Variants in NOL8 observed in about 807,000 individuals in gnomAD.
NOL8 encodes nucleolar protein 8.
NOL8 carries 93 observed loss-of-function variants against 116.1 expected under a neutral mutation model. That is an observed-to-expected ratio of 0.80 (90% CI 0.68 to 0.95). The LOEUF (loss-of-function observed/expected upper bound fraction) is 0.95, where lower values mean the gene tolerates loss of function less well. NOL8 is among the 40% of genes least tolerant of loss of function. The pLI is 0.00. For missense variants in NOL8, 1,291 were observed against 1,382.8 expected (o/e 0.93, Z 1.05); for synonymous variants, 419 against 469.0 (o/e 0.89, Z 1.38).
intron 11 of NOL8, 107 bp downstream of exon 11, chr9:92,306,779 C>T: frequency 9.9e-7 from 1 of 1,011,748 alleles, no homozygotes; most frequent in Non-Finnish European, 1.5e-6. Context: ...TACATATTGC[C>T]AGCTGCCTCC....
At chr9:92,312,497 T>C (rs998044384) in intron 7 of NOL8, among the ~76,000 whole-genome samples, 7 of 142,940 alleles carry the variant, frequency 4.9e-5, no homozygotes, top group African/African-American at 1.6e-4. Context: ...GGGGTCTACT[T>C]GAGGGTGGAG....
rs534527429 is a variant in NOL8, at chr9:92,321,543, C to G, written c.281+125G>C. On this transcript the variant is annotated intron_variant, in intron 4 of 16. Coordinates refer to ENST00000442668, the MANE Select transcript of NOL8 (RefSeq NM_017948.6). ...GATTCAGAGTTGAAAGGGATTTCAGCTCTACTTATATGTTTGAATTTGTTA... is the reference window on the plus strand; with the variant it reads ...GATTCAGAGTTGAAAGGGATTTCAGGTCTACTTATATGTTTGAATTTGTTA... 180 of 586,368 alleles carry G rather than the reference C, an allele frequency of 3.1e-4. 3 individuals carry two copies. In the East Asian group the frequency reaches 5.7e-3, roughly 18 times the overall value. 36.3% of individuals were successfully genotyped at this position (586,368 alleles called of 1,614,324 possible).
chr9:92,315,688 C>CA lies in NOL8; in HGVS notation c.936dup (p.Ala313CysfsTer16). On this transcript the variant is annotated frameshift_variant, in exon 7 of 17. Transcript: ENST00000442668. LOFTEE classifies it high-confidence loss of function. ...GTTCTCTGTAAGTTTTCCTCTTTCG[C>CA]AATCATCATTCTCAATTCATCTTCA... is the stretch of plus-strand genomic sequence containing the variant. 6.2e-7 allele frequency: 1 copy of CA among 1,612,096 alleles called. No individual in the cohort carries two copies. The highest frequency in any genetic ancestry group is 8.5e-7 in the Non-Finnish European group (1 of 1,178,984).
rs374302480 is a variant in NOL8 at position 92,311,232 on chromosome 9, G to A, written c.2386C>T (p.His796Tyr). 36 of 1,613,688 alleles carry A rather than the reference G, an allele frequency of 2.2e-5. No individual in the cohort carries two copies. Among genetic ancestry groups the A allele is most frequent in the Middle Eastern group, 1.6e-4 (1 of 6,084 alleles). ...LDGHPEDKPT[H>Y]IIFGSDSECE... is the part of the protein sequence containing the mutation. ...TCACTGTCAGAACCGAAGATGATGT[G>A]CGTTGGCTTATCCTCTGGATGACCA... Residue 796 changes from histidine (H) to tyrosine (Y), a missense_variant, in exon 8 of 17, where the codon CAC becomes TAC. Transcript: ENST00000442668.
Position 92,324,209 on chromosome 9 carries a change from T to C in NOL8, c.-48A>G. The C allele has an allele frequency of 6.3e-7, 1 of 1,585,210 alleles. No individual in the cohort carries two copies. Among genetic ancestry groups the C allele is most frequent in the African/African-American group, 1.4e-5 (1 of 73,886 alleles). ...TGTGTTTCAGTGGGAAAAGTAATTT[T>C]CTGTATACAGAGAAGAGTTCTTTCC... On this transcript the variant is annotated splice_region_variant and 5_prime_UTR_variant, in exon 2 of 17. Transcript: ENST00000442668.
At chr9:92,323,288 C>A in intron 3 of NOL8, 153 bp downstream of exon 3, 1 of 1,531,998 alleles carries the variant, frequency 6.5e-7, no homozygotes, top group Non-Finnish European at 8.7e-7. Context: ...CCTAAACCTG[C>A]TGAGTTATAC....
intron 4 of NOL8, among the ~76,000 whole-genome samples, chr9:92,320,590 A>G (rs1839838051): frequency 6.6e-6 from 1 of 150,852 alleles, no homozygotes; most frequent in African/African-American, 2.4e-5. Context: ...TTCTACCTGT[A>G]TATTCTTTTT....
chr9:92,299,967 T>A lies in NOL8; in HGVS notation c.3225A>T (p.Glu1075Asp). Residue 1075 changes from glutamate (E) to aspartate (D), a missense_variant, in exon 14 of 17, where the codon GAA becomes GAT. Physicochemically the swap from Glu to Asp is conservative, Grantham distance 45 (BLOSUM62 2). Coordinates refer to ENST00000442668, the MANE Select transcript of NOL8 (RefSeq NM_017948.6). ...TVKPGKIVWQ[E>D]DPRLQDSSSE... ...AACTGCTGTCTTGTAAACGAGGGTCTTCCTGCCAGACAATCTTTCCAGGTT... is the reference window on the plus strand; with the variant it reads ...AACTGCTGTCTTGTAAACGAGGGTCATCCTGCCAGACAATCTTTCCAGGTT... 1 of 1,613,706 alleles carries A rather than the reference T, an allele frequency of 6.2e-7. No individual in the cohort carries two copies. Among genetic ancestry groups the A allele is most frequent in the Non-Finnish European group, 8.5e-7 (1 of 1,179,684 alleles).
rs771618077 is a variant in NOL8 at position 92,315,649 on chromosome 9, T to C, written c.976A>G (p.Ile326Val). The change falls in exon 7 of 17, where the codon ATA (isoleucine) becomes GTA (valine). Residue 326 changes from isoleucine (I) to valine (V), a missense_variant. By Grantham distance (29) the Ile-to-Val change is conservative. Transcript: ENST00000442668. ...ENLQRTTQPS[I>V]NESESDPFEV... ...AAAGGATCACTTTCAGATTCATTTA[T>C]TGAGGGTTGTGTAGTTCTCTGTAAG... 31 of 1,613,178 alleles carry C rather than the reference T, an allele frequency of 1.9e-5. No homozygotes were observed. Among genetic ancestry groups the C allele is most frequent in the Non-Finnish European group, 2.5e-5 (30 of 1,179,494 alleles).
At position 92,321,670 on chromosome 9, in the gene NOL8, G is replaced by T; in HGVS notation, c.279C>A (p.His93Gln). ...AATCCATGTGGAGCAAAACTTACCT[G>T]TGCAGAAAGCTTTCTTTTGCTAGTT... ...QIQLAKESFL[H>Q]RLAQEREAAK... Residue 93 changes from histidine (H) to glutamine (Q), a missense_variant and splice_region_variant, in exon 4 of 17, where the codon CAC becomes CAA. Transcript: ENST00000442668. 1 of 1,526,840 alleles carries T rather than the reference G, an allele frequency of 6.5e-7. No individual in the cohort carries two copies. The highest frequency in any genetic ancestry group is 8.8e-7 in the Non-Finnish European group (1 of 1,138,354). 94.6% of individuals were successfully genotyped at this position (1,526,840 alleles called of 1,614,324 possible). A position where few individuals can be genotyped will look rare whatever the true frequency, so the allele number is the denominator to read the frequency against.
intron 1 of NOL8, 131 bp from the exon 2 acceptor site, chr9:92,324,340 T>G (rs1242017290): frequency 9.1e-6 from 7 of 765,612 alleles, no homozygotes; most frequent in Admixed American, 3.0e-5. Context: ...ACTTCCAAAT[T>G]TTAGTCTTCG....
intron 6 of NOL8, among the ~76,000 whole-genome samples, chr9:92,317,989 T>G (rs1242493860): frequency 7.3e-6 from 1 of 137,312 alleles, no homozygotes; most frequent in Non-Finnish European, 1.5e-5. Flanking sequence ...GAGCCAAGAT[T>G]GTGCCACTGC....
At chr9:92,298,459 A>G (rs1837437690) in intron 15 of NOL8, 123 bp from the exon 16 acceptor site, 3 of 589,182 alleles carry the variant, frequency 5.1e-6, no homozygotes, top group African/African-American at 1.9e-5. Context: ...CTCAGTTTCT[A>G]CCTATTTTCA....
At chr9:92,323,979 A>C (rs1275199586) in intron 2 of NOL8, 44 bp downstream of exon 2, 2 of 1,599,642 alleles carry the variant, frequency 1.3e-6, no homozygotes, top group African/African-American at 2.7e-5. Flanking sequence ...ACTTAACCTG[A>C]GTTATGTCTG....
intron 2 of NOL8, 93 bp downstream of exon 2, chr9:92,323,929 CA>C (rs1195496344): frequency 1.5e-6 from 2 of 1,369,042 alleles, no homozygotes; most frequent in Admixed American, 2.2e-5. Flanking sequence ...TTTTGGTGTT[CA>C]GAGCTAACAT....
In NOL8 at chr9:92,316,009, G is replaced by A. The variant is rs559841920; in HGVS notation, c.616C>T (p.Arg206Trp). 94 of 1,613,854 alleles carry A rather than the reference G, an allele frequency of 5.8e-5. No individual in the cohort carries two copies. The highest frequency in any genetic ancestry group is 7.1e-5 in the Non-Finnish European group (84 of 1,179,870). The change falls in exon 7 of 17, where the codon CGG becomes TGG. Residue 206 changes from arginine to tryptophan, a missense_variant. Arg to Trp is a moderately radical substitution (Grantham distance 101, BLOSUM62 -3). Coordinates refer to ENST00000442668, the MANE Select transcript of NOL8 (RefSeq NM_017948.6). ...EGGNDPMSKK[R>W]RGEFSDFHGP... ...TGAAAGTCAGAGAACTCTCCTCGCC[G>A]TTTCTTACTCATAGGGTCATTCCCT...
chr9:92,318,701 AAG>A lies in NOL8; in HGVS notation c.418-17_418-16del. The stretch of plus-strand genomic sequence containing the variant: ...ACAACCCAATTCTAAAAGAAAAAAA[AAG>A]AATTTATTTACTATATGTGACACAA... On this transcript the variant is annotated splice_polypyrimidine_tract_variant and intron_variant, in intron 5 of 16. Transcript: ENST00000442668. 6.5e-7 allele frequency: 1 copy of A among 1,536,060 alleles called. No individual in the cohort carries two copies.
In NOL8 at chr9:92,299,541, A is replaced by C. The variant is rs908996450; in HGVS notation, c.3302+349T>G. Among the ~76,000 whole-genome samples the C allele has an allele frequency of 4.6e-5, 7 of 152,178 alleles. No individual in the cohort carries two copies. In the East Asian group the frequency reaches 9.6e-4, roughly 21 times the overall value. On this transcript the variant is annotated intron_variant, in intron 14 of 16. Coordinates refer to ENST00000442668, the MANE Select transcript of NOL8 (RefSeq NM_017948.6). ...CAAGGTGGGCAGATTACTTGAGGTC[A>C]GGAGTTCGAAACCAGCCTGGCCAAC... is the stretch of plus-strand genomic sequence containing the variant.
chr9:92,321,561 A>G (rs1285097172), intron 4 of NOL8, 107 bp downstream of exon 4: 1 of 678,622 alleles, frequency 1.5e-6, no homozygotes, highest in African/African-American at 1.9e-5. Flanking sequence ...ATATGTTTGA[A>G]TTTGTTAAGA....
Sources: allele counts gnomAD v4.1 joint callset (sites outside exome capture counted in the v4.1 genomes callset), GRCh38; gene constraint gnomAD v4.1.1; transcripts MANE v1.5; gene names NCBI Gene and HGNC (gene_info 2026-07-23, HGNC 2026-07-21).